The following TMEM161B variants were observed in gnomAD, a reference collection of about 807,000 sequenced individuals.
TMEM161B encodes the protein transmembrane protein 161B.
A neutral mutation model predicts 61.8 loss-of-function variants in TMEM161B; 34 were observed. The ratio of observed to expected loss-of-function variants is 0.55; its 90% CI spans 0.42 to 0.73. The LOEUF (loss-of-function observed/expected upper bound fraction) is 0.73. Ranked by LOEUF, TMEM161B falls within the 30% of genes least tolerant of loss-of-function variation. TMEM161B has a pLI of 0.00. For synonymous variants in TMEM161B, 167 were observed against 192.8 expected (o/e 0.87, Z 1.11); for missense variants, 456 against 558.5 (o/e 0.82, Z 1.85).
At chr5:88,211,992 G>C (rs549379016) in intron 5 of TMEM161B, among the ~76,000 whole-genome samples, 1 of 152,028 alleles carries the variant, frequency 6.6e-6, no homozygotes, top group African/African-American at 2.4e-5. Context: ...ATCCTCATGA[G>C]GTACATGAGC....
chr5:88,215,497 C>CA (rs34713537), intron 5 of TMEM161B, among the ~76,000 whole-genome samples: 124,529 of 150,414 alleles, frequency 0.83, 51,726 homozygotes, highest in Non-Finnish European at 0.88. Context: ...CAGGTTTGAA[C>CA]AAAAAAAAAA....
chr5:88,257,203 T>C (rs1042021498), intron 1 of TMEM161B, among the ~76,000 whole-genome samples: 2 of 151,758 alleles, frequency 1.3e-5, no homozygotes, highest in African/African-American at 4.8e-5. Flanking sequence ...GGAGGGGAGG[T>C]TGCAGTGAGC....
chr5:88,201,534 T>C (rs772096110), intron 9 of TMEM161B: 8 of 152,028 alleles, frequency 5.3e-5, no homozygotes, highest in Non-Finnish European at 1.2e-4. Context: ...ACATAATAAC[T>C]GGTATATAAG....
At chr5:88,250,409 C>T (rs1052016520) in intron 1 of TMEM161B, among the ~76,000 whole-genome samples, 4 of 152,082 alleles carry the variant, frequency 2.6e-5, no homozygotes, top group Non-Finnish European at 5.9e-5. Flanking sequence ...TTAATATTTC[C>T]CATTCCAGCC....
chr5:88,224,959 G>GTTTTT lies in TMEM161B; in HGVS notation c.289+805_289+809dup, dbSNP rs202011902. On this transcript the variant is annotated intron_variant, in intron 4 of 11. Coordinates refer to ENST00000296595, the MANE Select transcript of TMEM161B (RefSeq NM_153354.5). ...ATAATACACATAACACACAAAATAT[G>GTTTTT]TTTTTGTTTTTTTTTTTTTTTTTTT... Among the ~76,000 whole-genome samples the GTTTTT allele has an allele frequency of 1.6e-3, 159 of 101,188 alleles. 16 individuals carry two copies. The highest frequency in any genetic ancestry group is 3.4e-3 in the East Asian group (10 of 2,980). The allele number at this position is 101,188 out of a possible 152,430, so 66.4% of individuals were successfully genotyped here.
At chr5:88,219,190 A>G (rs1347113367) in intron 5 of TMEM161B, among the ~76,000 whole-genome samples, 1 of 152,248 alleles carries the variant, frequency 6.6e-6, no homozygotes, top group Non-Finnish European at 1.5e-5. Flanking sequence ...TTACATGATC[A>G]TAACATAAAC....
At chr5:88,203,526 T>C (rs955466410) in intron 8 of TMEM161B, among the ~76,000 whole-genome samples, 1 of 151,732 alleles carries the variant, frequency 6.6e-6, no homozygotes, top group African/African-American at 2.4e-5. Context: ...TGAAACAAAG[T>C]GTCTCCTCAT....
At chr5:88,194,149 C>A (rs1476320541), downstream of TMEM161B, among the ~76,000 whole-genome samples, 2 of 152,050 alleles carry the variant, frequency 1.3e-5, no homozygotes, top group East Asian at 1.9e-4. Context: ...TTCCTTCCCA[C>A]TTCCCCTCTT....
chr5:88,264,177 C>T lies in TMEM161B; in HGVS notation c.3+4544G>A, dbSNP rs138979949. Among the ~76,000 whole-genome samples, 387 of 151,582 alleles carry T rather than the reference C, an allele frequency of 2.6e-3. 1 individual carries two copies. Among genetic ancestry groups the T allele is most frequent in the African/African-American group, 6.5e-3 (270 of 41,342 alleles). Reference sequence around the variant, plus strand: ...TAAAAAAAAAAACAAAACTTAATTGCGGAACTTATTAAAAATGCAATTCTA... The same window carrying T: ...TAAAAAAAAAAACAAAACTTAATTGTGGAACTTATTAAAAATGCAATTCTA... On this transcript the variant is annotated intron_variant, in intron 1 of 11. Transcript: ENST00000296595.
chr5:88,233,053 T>C (rs1429842665), intron 2 of TMEM161B, among the ~76,000 whole-genome samples: 1 of 152,208 alleles, frequency 6.6e-6, no homozygotes, highest in Non-Finnish European at 1.5e-5. Flanking sequence ...TTAGGGTCAC[T>C]TCTAGTCTGT....
intron 5 of TMEM161B, among the ~76,000 whole-genome samples, chr5:88,218,040 A>G (rs1224496549): frequency 2.0e-5 from 3 of 152,256 alleles, no homozygotes; most frequent in African/African-American, 7.2e-5. Context: ...GTGAAAATTA[A>G]AAATTATATC....
At chr5:88,188,351 G>T (rs1748493000), downstream of TMEM161B, among the ~76,000 whole-genome samples, 1 of 151,152 alleles carries the variant, frequency 6.6e-6, no homozygotes, top group Non-Finnish European at 1.5e-5. Flanking sequence ...CCTGACCTCA[G>T]ATGATCCACC....
rs1020169121 is a variant in TMEM161B at position 88,225,870 on chromosome 5, T to A, written c.192-4A>T. 1.3e-6 allele frequency: 2 copies of A among 1,585,924 alleles called. No individual in the cohort carries two copies. The highest frequency in any genetic ancestry group is 1.4e-5 in the African/African-American group (1 of 73,968). ...TTCAATGTGACCATTATATTTCCTA[T>A]AAAAATCAGACAAGTGACACAAAAA... On this transcript the variant is annotated splice_polypyrimidine_tract_variant and splice_region_variant and intron_variant, in intron 3 of 11. Transcript: ENST00000296595.
In TMEM161B at chr5:88,196,110, T is replaced by C. The variant is rs553506543; in HGVS notation, c.*101A>G. ...AAGACATTCTGATATGTTTTTTTTT[T>C]CCCATTGTATTTGCTTTCTTCTGGT... On this transcript the variant is annotated 3_prime_UTR_variant, in exon 12 of 12. Coordinates refer to ENST00000296595, the MANE Select transcript of TMEM161B (RefSeq NM_153354.5). 1.8e-4 allele frequency: 270 copies of C among 1,468,320 alleles called. No homozygotes were observed. Among genetic ancestry groups the C allele is most frequent in the South Asian group, 3.7e-4 (25 of 68,128 alleles). The allele number at this position is 1,468,320 out of a possible 1,614,324, so 91.0% of individuals were successfully genotyped here. A position where few individuals can be genotyped will look rare whatever the true frequency, so the allele number is the denominator to read the frequency against.
downstream of TMEM161B, among the ~76,000 whole-genome samples, chr5:88,193,223 C>T (rs1749142486): frequency 6.6e-6 from 1 of 151,992 alleles, no homozygotes; most frequent in African/African-American, 2.4e-5. Context: ...CAATGGCTAG[C>T]AAGTGGGGTA....
intron 1 of TMEM161B, among the ~76,000 whole-genome samples, chr5:88,253,664 T>C (rs571830017): frequency 6.6e-6 from 1 of 152,112 alleles, no homozygotes; most frequent in African/African-American, 2.4e-5. Flanking sequence ...AAATCAAATA[T>C]GTTTGGAGAA....
chr5:88,221,003 T>C (rs567740494), intron 4 of TMEM161B, among the ~76,000 whole-genome samples: 2 of 152,334 alleles, frequency 1.3e-5, no homozygotes, highest in African/African-American at 4.8e-5. Context: ...GCAAATTTAC[T>C]GGTATTGTCT....
intron 2 of TMEM161B, among the ~76,000 whole-genome samples, chr5:88,237,427 G>A (rs142643303): frequency 1.9e-4 from 29 of 152,206 alleles, no homozygotes; most frequent in African/African-American, 6.7e-4. Context: ...AGGGAAGAAG[G>A]ATAGCTCAGA....
intron 8 of TMEM161B, 64 bp from the exon 9 acceptor site, chr5:88,203,139 G>T: frequency 2.0e-6 from 2 of 992,518 alleles, no homozygotes; most frequent in South Asian, 1.4e-5. Context: ...AACTACAGAA[G>T]CTGGGGTCTT....
Sources: gnomAD v4.1 joint callset for allele counts (sites outside exome capture counted in the v4.1 genomes callset) on GRCh38, gnomAD v4.1.1 for gene constraint, MANE v1.5 for transcripts, NCBI Gene and HGNC (gene_info 2026-07-23, HGNC 2026-07-21) for gene names.